Variants in ASB15 observed in about 807,000 individuals in gnomAD.
ASB15 encodes the protein ankyrin repeat and SOCS box protein 15.
A neutral mutation model predicts 58.0 loss-of-function variants in ASB15; 54 were observed. The ratio of observed to expected loss-of-function variants is 0.93; its 90% CI spans 0.75 to 1.17. The LOEUF (loss-of-function observed/expected upper bound fraction) is 1.17, where lower values mean the gene tolerates loss of function less well. Ranked by LOEUF, ASB15 falls within the 50% of genes most tolerant of loss-of-function variation. The probability of loss-of-function intolerance (pLI) is 0.00; values close to 1 mark genes in which losing one functional copy is unlikely to be tolerated. For synonymous variants in ASB15, 249 were observed against 262.4 expected (o/e 0.95, Z 0.50); for missense variants, 680 against 707.4 (o/e 0.96, Z 0.44).
In ASB15 at chr7:123,639,331, T is replaced by C. The variant is rs1302396218; in HGVS notation, c.*2350T>C. The C allele has an allele frequency of 6.6e-6, 1 of 152,194 alleles. No individual in the cohort carries two copies. Among genetic ancestry groups the C allele is most frequent in the Non-Finnish European group, 1.5e-5 (1 of 68,018 alleles). 9.4% of individuals were successfully genotyped at this position (152,194 alleles called of 1,614,324 possible). On this transcript the variant is annotated 3_prime_UTR_variant, in exon 12 of 12. Coordinates refer to ENST00000451215, the MANE Select transcript of ASB15 (RefSeq NM_001290258.2). ...GTATTTATATTTAATTGCAACATCTTGTATACAAGATTTTATTATTCTTGT... is the reference window on the plus strand; with the variant it reads ...GTATTTATATTTAATTGCAACATCTCGTATACAAGATTTTATTATTCTTGT...
At chr7:123,619,201 A>AAAG (rs1562931877) in intron 7 of ASB15, among the ~76,000 whole-genome samples, 3 of 149,788 alleles carry the variant, frequency 2.0e-5, no homozygotes, top group Non-Finnish European at 1.5e-5. Context: ...AAAAAAAAAA[A>AAAG]AAGAAGTCAC....
chr7:123,589,945 A>T (rs1395457477), intron 1 of ASB15, among the ~76,000 whole-genome samples: 1 of 152,200 alleles, frequency 6.6e-6, no homozygotes, highest in Non-Finnish European at 1.5e-5. Flanking sequence ...AACAGTGTAA[A>T]AGCGTTCCTA....
At chr7:123,611,976 A>G (rs1800490926) in intron 3 of ASB15, among the ~76,000 whole-genome samples, 2 of 152,180 alleles carry the variant, frequency 1.3e-5, no homozygotes, top group Non-Finnish European at 2.9e-5. Flanking sequence ...GAGAAAAAAA[A>G]AAAACGTTAA....
chr7:123,621,418 AC>A (rs1228180024), intron 7 of ASB15: 2 of 152,240 alleles, frequency 1.3e-5, no homozygotes, highest in African/African-American at 4.8e-5. Context: ...TTGTTGTGGA[AC>A]CCATGCCAAG....
chr7:123,614,283 G>A (rs530662623), intron 3 of ASB15: 17 of 443,250 alleles, frequency 3.8e-5, no homozygotes, highest in African/African-American at 3.3e-4. Flanking sequence ...ATGCTCAAAG[G>A]GCAGGTCATT....
Position 123,616,263 on chromosome 7 carries a change from C to G in ASB15, c.150C>G (p.Ala50=). 1 of 1,610,318 alleles carries G rather than the reference C, an allele frequency of 6.2e-7. No homozygotes were observed. Among genetic ancestry groups the G allele is most frequent in the Admixed American group, 1.7e-5 (1 of 59,958 alleles). Residue 50 remains alanine (A), a synonymous_variant, in exon 5 of 12, where the codon GCC becomes GCG. Coordinates refer to ENST00000451215, the MANE Select transcript of ASB15 (RefSeq NM_001290258.2). ...LSAQNRKLVE[A]IKQGHIPELQ... is the part of the protein sequence containing the mutation. ...CTCAAAACAGAAAACTTGTGGAGGC[C>G]ATAAAACAAGGTAAATGGGTGTACT... is the stretch of plus-strand genomic sequence containing the variant.
intron 1 of ASB15, among the ~76,000 whole-genome samples, chr7:123,583,644 A>G (rs1333077846): frequency 1.3e-5 from 2 of 152,004 alleles, no homozygotes; most frequent in Non-Finnish European, 1.5e-5. Flanking sequence ...TGAGCGAAGA[A>G]AGATTTTTTC....
chr7:123,616,051 T>C (rs1800790413), intron 4 of ASB15, among the ~76,000 whole-genome samples, 170 bp from the exon 5 acceptor site: 1 of 152,202 alleles, frequency 6.6e-6, no homozygotes, highest in African/African-American at 2.4e-5. Context: ...ATACTCTGTG[T>C]CTGACTCCCA....
chr7:123,589,301 T>TTTATTA (rs35194530), intron 1 of ASB15, among the ~76,000 whole-genome samples: 3,918 of 147,458 alleles, frequency 0.027, 154 homozygotes, highest in African/African-American at 0.085. Flanking sequence ...CTTTCATCTC[T>TTTATTA]TTATTATTAT....
chr7:123,599,484 G>T (rs1394167939), upstream of ASB15, among the ~76,000 whole-genome samples: 1 of 152,134 alleles, frequency 6.6e-6, no homozygotes, highest in Non-Finnish European at 1.5e-5. Flanking sequence ...TAAAATCCAG[G>T]CCTGCAAGTG....
At chr7:123,578,718 T>C (rs1348231938) in intron 1 of ASB15, among the ~76,000 whole-genome samples, 1 of 152,126 alleles carries the variant, frequency 6.6e-6, no homozygotes, top group East Asian at 1.9e-4. Context: ...AGACATTGAA[T>C]GCACGGTTAG....
intron 1 of ASB15, among the ~76,000 whole-genome samples, chr7:123,595,102 C>T (rs1254856788): frequency 1.3e-5 from 2 of 152,228 alleles, no homozygotes; most frequent in Admixed American, 6.5e-5. Context: ...GGACGTGGAA[C>T]TCGCTGAGCC....
At chr7:123,567,439 C>G (rs962345484) in intron 1 of ASB15, among the ~76,000 whole-genome samples, 1 of 152,082 alleles carries the variant, frequency 6.6e-6, no homozygotes, top group Non-Finnish European at 1.5e-5. Flanking sequence ...CTTTGTGATG[C>G]CTCTAGCCTA....
chr7:123,599,909 C>T (rs1430457385), upstream of ASB15, among the ~76,000 whole-genome samples: 1 of 152,188 alleles, frequency 6.6e-6, no homozygotes, highest in African/African-American at 2.4e-5. Context: ...ACTAGAGGCA[C>T]TGTTTGAAAA....
In ASB15 at chr7:123,616,442, T is replaced by C. The variant is rs1025608814; in HGVS notation, c.239T>C (p.Leu80Ser). ...DEADEKGWFP[L>S]HEAVVQPIQQ... ...GCTGATGAAAAAGGATGGTTTCCAT[T>C]GCATGAAGCTGTTGTTCAACCCATT... is the stretch of plus-strand genomic sequence containing the variant. Residue 80 changes from leucine to serine, a missense_variant, in exon 6 of 12, where the codon TTG becomes TCG. Transcript: ENST00000451215. The C allele has an allele frequency of 6.2e-7, 1 of 1,611,526 alleles. No individual in the cohort carries two copies. The highest frequency in any genetic ancestry group is 8.5e-7 in the Non-Finnish European group (1 of 1,177,878).
At position 123,630,072 on chromosome 7, in the gene ASB15, C is replaced by G. The variant is rs770171449; in HGVS notation, c.1547C>G (p.Ser516Cys). The G allele has an allele frequency of 6.2e-7, 1 of 1,608,380 alleles. No individual in the cohort carries two copies. Among genetic ancestry groups the G allele is most frequent in the South Asian group, 1.1e-5 (1 of 90,262 alleles). Reference protein sequence around the residue: ...DYVPLCAKLKSALEVQREWPE... With the variant: ...DYVPLCAKLKCALEVQREWPE... ...GTTCCTCTGTGTGCTAAACTGAAGTCTGCACTAGAAGTACAGAGAGAATGG... is the reference window on the plus strand; with the variant it reads ...GTTCCTCTGTGTGCTAAACTGAAGTGTGCACTAGAAGTACAGAGAGAATGG... Residue 516 changes from serine to cysteine, a missense_variant, in exon 11 of 12, where the codon TCT becomes TGT. Coordinates refer to ENST00000451215, the MANE Select transcript of ASB15 (RefSeq NM_001290258.2).
chr7:123,588,468 T>A lies in ASB15; in HGVS notation c.-442-15564T>A, dbSNP rs992068684. Among the ~76,000 whole-genome samples the A allele has an allele frequency of 2.8e-4, 42 of 151,758 alleles. 1 individual carries two copies. The highest frequency in any genetic ancestry group is 3.4e-3 in the Middle Eastern group (1 of 294). ...ATCTTTTCAAAAAGCCAACTTTTGA[T>A]CTTTTCTCTTGTTTGTCTTATCTCT... On this transcript the variant is annotated intron_variant, in intron 1 of 13. Transcript: ENST00000451558.
At chr7:123,568,515 C>A (rs1346575037) in intron 1 of ASB15, among the ~76,000 whole-genome samples, 1 of 149,510 alleles carries the variant, frequency 6.7e-6, no homozygotes, top group African/African-American at 2.5e-5. Flanking sequence ...GAGCGAAAGT[C>A]CATCTCAAGA....
chr7:123,620,595 A>G (rs1486107925), intron 7 of ASB15, among the ~76,000 whole-genome samples: 2 of 77,524 alleles, frequency 2.6e-5, no homozygotes, highest in African/African-American at 1.0e-4. Flanking sequence ...TTTTTGAGAC[A>G]GAGTCTCGCT....
Sources: allele counts gnomAD v4.1 joint callset (sites outside exome capture counted in the v4.1 genomes callset), GRCh38; gene constraint gnomAD v4.1.1; transcripts MANE v1.5; gene names NCBI Gene and HGNC (gene_info 2026-07-23, HGNC 2026-07-21).